OPCML: variants seen among roughly 807,000 people sequenced by gnomAD.
The protein encoded by OPCML is opioid binding protein/cell adhesion molecule like.
Under a neutral mutation model 37.8 loss-of-function variants are expected in OPCML, and 13 were observed. The observed-to-expected ratio is 0.34, with a 90% confidence interval of 0.22 to 0.55. The LOEUF is 0.55. Among genes scored for constraint, OPCML ranks in the 20% least tolerant of loss-of-function variants. The pLI, the probability that OPCML is intolerant of heterozygous loss-of-function variation, is 0.91. For synonymous variants in OPCML, 176 were observed against 168.8 expected (o/e 1.04, Z -0.33); for missense variants, 341 against 435.6 (o/e 0.78, Z 1.93).
intron 3 of OPCML, among the ~76,000 whole-genome samples, chr11:132,598,387 T>G (rs58348302): frequency 6.6e-6 from 1 of 152,252 alleles, no homozygotes; most frequent in South Asian, 2.1e-4. Flanking sequence ...ATGAATTTTT[T>G]TAAGTCGAGG....
At chr11:132,455,519 A>C (rs1490161313) in intron 4 of OPCML, among the ~76,000 whole-genome samples, 13 of 152,166 alleles carry the variant, frequency 8.5e-5, no homozygotes, top group Non-Finnish European at 2.9e-5. Flanking sequence ...TCCCTTTGAG[A>C]TGCCACTTAG....
Position 133,205,216 on chromosome 11 carries a change from G to A in OPCML, c.62-262206C>T, listed in dbSNP as rs181077926. ...GAAGCTTTGATAAAAAACCCAAAAGGCAGGGTTTGAAGAGCTTCTGGTTGC... is the reference window on the plus strand; with the variant it reads ...GAAGCTTTGATAAAAAACCCAAAAGACAGGGTTTGAAGAGCTTCTGGTTGC... On this transcript the variant is annotated intron_variant, in intron 1 of 7. Transcript: ENST00000524381. This position sits in a 1 kb window ranked among gnomAD's most constrained non-coding sequence, Gnocchi z 4.8. Among the ~76,000 whole-genome samples, 29 of 152,084 alleles carry A rather than the reference G, an allele frequency of 1.9e-4. No homozygotes were observed. Among genetic ancestry groups the A allele is most frequent in the African/African-American group, 6.7e-4 (28 of 41,498 alleles).
At chr11:132,712,745 C>T (rs945117378) in intron 2 of OPCML, among the ~76,000 whole-genome samples, 1 of 152,218 alleles carries the variant, frequency 6.6e-6, no homozygotes, top group African/African-American at 2.4e-5. Flanking sequence ...TTTCAGCTCT[C>T]GCTTCTGGCA....
At chr11:132,429,030 T>G (rs1446965141) in intron 7 of OPCML, among the ~76,000 whole-genome samples, 1 of 122,724 alleles carries the variant, frequency 8.1e-6, no homozygotes, top group Non-Finnish European at 1.8e-5. Flanking sequence ...GATGAATGGA[T>G]GGAGGGATGG....
intron 2 of OPCML, among the ~76,000 whole-genome samples, chr11:132,929,141 A>G (rs926412655): frequency 2.0e-5 from 3 of 151,950 alleles, no homozygotes; most frequent in Non-Finnish European, 4.4e-5. Context: ...ATGGGAAAAT[A>G]GAAAAAAATC....
At chr11:132,483,852 C>A (rs1468230392) in intron 4 of OPCML, among the ~76,000 whole-genome samples, 1 of 151,754 alleles carries the variant, frequency 6.6e-6, no homozygotes, top group African/African-American at 2.4e-5. Context: ...GCTGGGAAAA[C>A]TGGCTAGCCA....
intron 3 of OPCML, among the ~76,000 whole-genome samples, chr11:132,651,496 C>T (rs772586256): frequency 2.3e-4 from 35 of 152,308 alleles, no homozygotes; most frequent in Non-Finnish European, 4.3e-4. Flanking sequence ...ATTTAAAGCA[C>T]GCGGCAGCTG....
intron 1 of OPCML, among the ~76,000 whole-genome samples, chr11:133,000,852 C>T (rs1452028769): frequency 3.3e-5 from 5 of 152,308 alleles, no homozygotes; most frequent in Admixed American, 6.5e-5. Flanking sequence ...GAGTTCTTCA[C>T]GAATGATCTG....
At chr11:133,046,329 T>G (rs1236432688) in intron 1 of OPCML, among the ~76,000 whole-genome samples, 2 of 152,212 alleles carry the variant, frequency 1.3e-5, no homozygotes, top group Non-Finnish European at 2.9e-5. Flanking sequence ...AGCTCATATT[T>G]GACAGTGTGA....
intron 2 of OPCML, among the ~76,000 whole-genome samples, chr11:132,666,970 G>A (rs1224740347): frequency 2.0e-5 from 3 of 152,210 alleles, no homozygotes; most frequent in South Asian, 2.1e-4. Context: ...CATCCCTATA[G>A]ATGTGAGAGT....
chr11:133,207,231 C>G (rs1162680606), intron 1 of OPCML, among the ~76,000 whole-genome samples: 1 of 151,680 alleles, frequency 6.6e-6, no homozygotes, highest in Non-Finnish European at 1.5e-5. Flanking sequence ...ACCCAGGAGG[C>G]GGAGCTTGTA....
At chr11:133,452,708 AC>A (rs1946603862) in intron 1 of OPCML, among the ~76,000 whole-genome samples, 1 of 151,690 alleles carries the variant, frequency 6.6e-6, no homozygotes, top group Admixed American at 6.6e-5. Flanking sequence ...CAATTCTACT[AC>A]AAACATCTCT....
At chr11:132,527,175 G>A (rs974724238) in intron 4 of OPCML, among the ~76,000 whole-genome samples, 1 of 152,100 alleles carries the variant, frequency 6.6e-6, no homozygotes, top group African/African-American at 2.4e-5. Flanking sequence ...TATTATTAAT[G>A]AAGCTGCTAA....
intron 1 of OPCML, among the ~76,000 whole-genome samples, chr11:133,487,371 C>T (rs1405778439): frequency 6.6e-6 from 1 of 152,038 alleles, no homozygotes; most frequent in African/African-American, 2.4e-5. Context: ...TGTGTCCTGG[C>T]TGTTCCCTCT....
intron 2 of OPCML, chr11:132,772,810 A>G (rs1946684422): frequency 6.6e-6 from 1 of 152,208 alleles, no homozygotes; most frequent in African/African-American, 2.4e-5. Context: ...GATCTTTTCC[A>G]TGGCCTTAGC....
chr11:133,482,713 C>T (rs11223483), intron 1 of OPCML, among the ~76,000 whole-genome samples: 6,105 of 152,108 alleles, frequency 0.04, 149 homozygotes, highest in South Asian at 0.085. Flanking sequence ...GTTATGAAAA[C>T]TAGCTTATTA....
intron 1 of OPCML, among the ~76,000 whole-genome samples, chr11:133,082,580 A>C (rs202076772): frequency 1.1e-5 from 1 of 87,570 alleles, no homozygotes; most frequent in Non-Finnish European, 2.4e-5. Context: ...TCTCCTCCTC[A>C]TCCTCTCCTC....
At chr11:132,777,886 A>G (rs1284417530) in intron 2 of OPCML, among the ~76,000 whole-genome samples, 3 of 152,188 alleles carry the variant, frequency 2.0e-5, no homozygotes, top group East Asian at 3.9e-4. Context: ...ATAATGAGAT[A>G]AACCTTTTCT....
Position 132,667,097 on chromosome 11 carries a change from C to G in OPCML, c.147-9778G>C, listed in dbSNP as rs909554378. Among the ~76,000 whole-genome samples, 2 of 152,200 alleles carry G rather than the reference C, an allele frequency of 1.3e-5. 1 individual carries two copies. Among genetic ancestry groups the G allele is most frequent in the Non-Finnish European group, 2.9e-5 (2 of 68,038 alleles). ...GTTGATGAAAAGTTTGCAGCCAACA[C>G]TTTAACGAACTTTGATGTCAAAGTG... On this transcript the variant is annotated intron_variant, in intron 2 of 7. Coordinates refer to ENST00000524381, the MANE Select transcript of OPCML (RefSeq NM_001012393.5).
Sources: gnomAD v4.1 joint callset for allele counts (sites outside exome capture counted in the v4.1 genomes callset) on GRCh38, gnomAD v4.1.1 for gene constraint, Gnocchi (gnomAD v3.1) non-coding constraint, MANE v1.5 for transcripts, NCBI Gene and HGNC (gene_info 2026-07-23, HGNC 2026-07-21) for gene names.